The following LRRTM4 variants were observed in gnomAD, a reference collection of about 807,000 sequenced individuals.
LRRTM4 encodes leucine-rich repeat transmembrane neuronal protein 4.
Under a neutral mutation model 47.6 loss-of-function variants are expected in LRRTM4, and 25 were observed. The ratio of observed to expected loss-of-function variants is 0.53; its 90% CI spans 0.38 to 0.73. The LOEUF (loss-of-function observed/expected upper bound fraction) is 0.73. LRRTM4 is among the 30% of genes least tolerant of loss of function. LRRTM4 has a pLI of 0.00. For missense variants in LRRTM4, 638 were observed against 713.4 expected (o/e 0.89, Z 1.20); for synonymous variants, 311 against 269.5 (o/e 1.15, Z -1.51).
At chr2:77,049,812 A>G (rs747730380) in intron 3 of LRRTM4, among the ~76,000 whole-genome samples, 39 of 151,904 alleles carry the variant, frequency 2.6e-4, no homozygotes, top group Non-Finnish European at 4.4e-4. Context: ...CCACTCGTCT[A>G]TTTTTATTTT....
chr2:76,839,858 G>T (rs1319454747), intron 3 of LRRTM4, among the ~76,000 whole-genome samples: 1 of 151,836 alleles, frequency 6.6e-6, no homozygotes, highest in Non-Finnish European at 1.5e-5. Flanking sequence ...TGTTCCTTGG[G>T]TATGAGGAAG....
At chr2:76,809,606 C>G (rs569701350) in intron 3 of LRRTM4, among the ~76,000 whole-genome samples, 1 of 152,158 alleles carries the variant, frequency 6.6e-6, no homozygotes, top group Admixed American at 6.6e-5. Context: ...TTCTTCCATT[C>G]TTGCCTCCCC....
At chr2:77,389,207 T>C (rs1261983101) in intron 3 of LRRTM4, among the ~76,000 whole-genome samples, 1 of 152,136 alleles carries the variant, frequency 6.6e-6, no homozygotes, top group Non-Finnish European at 1.5e-5. Context: ...TAATTAACTA[T>C]ATTTTTATTA....
At chr2:77,261,041 G>C (rs1675906074) in intron 3 of LRRTM4, among the ~76,000 whole-genome samples, 1 of 152,008 alleles carries the variant, frequency 6.6e-6, no homozygotes, top group East Asian at 1.9e-4. Context: ...TGAGTATTGT[G>C]TGTAGCCTAT....
At chr2:76,974,169 CATACAT>C in intron 3 of LRRTM4, among the ~76,000 whole-genome samples, 1 of 118,442 alleles carries the variant, frequency 8.4e-6, no homozygotes, top group African/African-American at 4.2e-5. Context: ...TATATATATA[CATACAT>C]ATATATACAT....
intron 3 of LRRTM4, among the ~76,000 whole-genome samples, chr2:77,431,729 A>G (rs1675382857): frequency 6.7e-6 from 1 of 149,154 alleles, no homozygotes; most frequent in Non-Finnish European, 1.5e-5. Context: ...ATGGTGGGGA[A>G]GGCAGAGGGT....
chr2:77,187,764 G>A (rs1012405866), intron 3 of LRRTM4, among the ~76,000 whole-genome samples: 4 of 150,682 alleles, frequency 2.7e-5, no homozygotes, highest in African/African-American at 9.8e-5. Flanking sequence ...CACTGAACTG[G>A]GTATAAACAA....
intron 3 of LRRTM4, among the ~76,000 whole-genome samples, chr2:77,249,986 G>A (rs1458971335): frequency 6.6e-6 from 1 of 152,152 alleles, no homozygotes; most frequent in African/African-American, 2.4e-5. Context: ...ATAATTCAGT[G>A]CTGAAAAGAA....
chr2:77,239,021 T>G (rs1446167083), intron 3 of LRRTM4, among the ~76,000 whole-genome samples: 1 of 151,776 alleles, frequency 6.6e-6, no homozygotes, highest in South Asian at 2.1e-4. Flanking sequence ...ATAAAAAAAT[T>G]TAAAAAATAC....
intron 3 of LRRTM4, among the ~76,000 whole-genome samples, chr2:77,439,722 A>T (rs1203065801): frequency 6.6e-6 from 1 of 152,200 alleles, no homozygotes; most frequent in East Asian, 1.9e-4. Context: ...AAACAGCAAA[A>T]GAATAATTAT....
intron 3 of LRRTM4, among the ~76,000 whole-genome samples, chr2:77,223,893 C>T (rs1416623690): frequency 1.3e-5 from 2 of 152,278 alleles, no homozygotes; most frequent in East Asian, 1.9e-4. Flanking sequence ...AAAGAGCACG[C>T]ATTGCCAAGA....
chr2:77,138,073 G>A (rs573553963), intron 3 of LRRTM4, among the ~76,000 whole-genome samples: 1 of 152,242 alleles, frequency 6.6e-6, no homozygotes, highest in South Asian at 2.1e-4. Flanking sequence ...CAATGAGACA[G>A]AAAGTTAACA....
intron 3 of LRRTM4, among the ~76,000 whole-genome samples, chr2:76,884,896 A>C (rs1673027520): frequency 1.3e-5 from 2 of 152,170 alleles, no homozygotes; most frequent in Non-Finnish European, 1.5e-5. Flanking sequence ...ATTATTGTAC[A>C]TATATAAGAT....
chr2:77,224,254 A>T (rs562520291), intron 3 of LRRTM4, among the ~76,000 whole-genome samples: 3 of 151,966 alleles, frequency 2.0e-5, no homozygotes. Context: ...AACCATAAAA[A>T]CCCTAGAAGA....
chr2:76,794,700 T>TC (rs1675171827), intron 3 of LRRTM4, among the ~76,000 whole-genome samples: 1 of 152,164 alleles, frequency 6.6e-6, no homozygotes, highest in Non-Finnish European at 1.5e-5. Context: ...AACTTGACAT[T>TC]AGTGACATTT....
At chr2:77,176,275 G>A (rs1417259409) in intron 3 of LRRTM4, among the ~76,000 whole-genome samples, 1 of 152,088 alleles carries the variant, frequency 6.6e-6, no homozygotes, top group Admixed American at 6.6e-5. Context: ...CTTCATACTG[G>A]TCACCCATCA....
chr2:76,918,880 A>G (rs984164416), intron 3 of LRRTM4, among the ~76,000 whole-genome samples: 1 of 152,198 alleles, frequency 6.6e-6, no homozygotes, highest in Non-Finnish European at 1.5e-5. Flanking sequence ...ATTTCATACT[A>G]ACTTCGATCA....
intron 3 of LRRTM4, among the ~76,000 whole-genome samples, chr2:77,359,942 C>T (rs1452703670): frequency 6.6e-6 from 1 of 151,946 alleles, no homozygotes; most frequent in Non-Finnish European, 1.5e-5. Context: ...TTAATGATAC[C>T]AAAATTTTTA....
intron 3 of LRRTM4, among the ~76,000 whole-genome samples, chr2:77,320,844 C>A (rs1020658037): frequency 6.6e-6 from 1 of 151,704 alleles, no homozygotes; most frequent in South Asian, 2.1e-4. Context: ...TTATATTACT[C>A]CAACTATATA....
Sources: gnomAD v4.1 joint callset for allele counts (sites outside exome capture counted in the v4.1 genomes callset) on GRCh38, gnomAD v4.1.1 for gene constraint, MANE v1.5 for transcripts, NCBI Gene and HGNC (gene_info 2026-07-23, HGNC 2026-07-21) for gene names.